The following TRIM69 variants were observed in gnomAD, a reference collection of about 807,000 sequenced individuals.
TRIM69 encodes tripartite motif containing 69, also known as E3 ubiquitin-protein ligase TRIM69.
A neutral mutation model predicts 37.7 loss-of-function variants in TRIM69; 29 were observed. That is an observed-to-expected ratio of 0.77 (90% CI 0.57 to 1.05). TRIM69 has a LOEUF of 1.05. Among genes scored for constraint, TRIM69 ranks in the 50% least tolerant of loss-of-function variants. The probability of loss-of-function intolerance (pLI) is 0.00; values close to 1 mark genes in which losing one functional copy is unlikely to be tolerated. For synonymous variants in TRIM69, 209 were observed against 212.4 expected (o/e 0.98, Z 0.14); for missense variants, 596 against 579.9 (o/e 1.03, Z -0.28).
chr15:44,767,481 C>G lies in TRIM69; in HGVS notation c.1212C>G (p.Ser404Arg). 1 of 1,614,194 alleles carries G rather than the reference C, an allele frequency of 6.2e-7. No individual in the cohort carries two copies. Among genetic ancestry groups the G allele is most frequent in the Non-Finnish European group, 8.5e-7 (1 of 1,180,028 alleles). The change falls in exon 7 of 7, where the codon AGC becomes AGG. Residue 404 changes from serine (S) to arginine (R), a missense_variant. Ser to Arg is a moderately radical substitution (Grantham distance 110). Transcript: ENST00000329464. ...VVRESIIRKG[S>R]CPLTPEQGFW... ...GAGAATCCATCATTCGGAAGGGCAG[C>G]TGTCCTCTAACTCCTGAGCAAGGAT...
intron 1 of TRIM69, among the ~76,000 whole-genome samples, chr15:44,744,584 T>C (rs2087363540): frequency 6.6e-6 from 1 of 152,150 alleles, no homozygotes; most frequent in Non-Finnish European, 1.5e-5. Context: ...ACCAGGGAAA[T>C]ATTTAATAAT....
chr15:44,757,219 A>G (rs1666034248), intron 3 of TRIM69: 1 of 152,210 alleles, frequency 6.6e-6, no homozygotes, highest in South Asian at 2.1e-4. Flanking sequence ...CATTTAACAA[A>G]TATTTATTGA....
intron 1 of TRIM69, among the ~76,000 whole-genome samples, chr15:44,742,727 G>C (rs1485279744): frequency 9.4e-5 from 12 of 127,954 alleles, no homozygotes; most frequent in Non-Finnish European, 1.7e-4. Context: ...GCTTCAAAGA[G>C]AATAAAATAC....
At chr15:44,742,920 C>A (rs1486001896) in intron 1 of TRIM69, among the ~76,000 whole-genome samples, 2 of 151,402 alleles carry the variant, frequency 1.3e-5, no homozygotes, top group Non-Finnish European at 2.9e-5. Flanking sequence ...ATGCCATCCC[C>A]ATCAAGCTAC....
rs1258898652 is a variant in TRIM69 at position 44,767,611 on chromosome 15, G to T, written c.1342G>T (p.Asp448Tyr). 6.2e-7 allele frequency: 1 copy of T among 1,614,166 alleles called. No homozygotes were observed. Residue 448 changes from aspartate to tyrosine, a missense_variant, in exon 7 of 7, where the codon GAT becomes TAT. Physicochemically the swap from Asp to Tyr is radical, Grantham distance 160. Coordinates refer to ENST00000329464, the MANE Select transcript of TRIM69 (RefSeq NM_182985.5). Reference protein sequence around the residue: ...NNLDKVGIYLDYEGGQLSFYN... With the variant: ...NNLDKVGIYLYYEGGQLSFYN... Reference sequence around the variant, plus strand: ...CCTCGACAAGGTGGGCATATACCTGGATTATGAAGGAGGACAGTTGTCCTT... The same window carrying T: ...CCTCGACAAGGTGGGCATATACCTGTATTATGAAGGAGGACAGTTGTCCTT...
intron 1 of TRIM69, among the ~76,000 whole-genome samples, chr15:44,740,558 A>G (rs1440460522): frequency 6.6e-6 from 1 of 152,230 alleles, no homozygotes; most frequent in East Asian, 1.9e-4. Flanking sequence ...AGCTTGCTGT[A>G]TTCAGGAAAC....
intron 6 of TRIM69, among the ~76,000 whole-genome samples, chr15:44,766,047 AC>A (rs1014839498): frequency 3.3e-5 from 5 of 152,270 alleles, no homozygotes; most frequent in African/African-American, 1.2e-4. Context: ...AATTGTCTAA[AC>A]CAATGCTTGT....
chr15:44,747,381 A>T (rs1168325447), intron 1 of TRIM69, among the ~76,000 whole-genome samples: 1 of 152,196 alleles, frequency 6.6e-6, no homozygotes, highest in African/African-American at 2.4e-5. Flanking sequence ...CCATCCTCAT[A>T]CAAGTCTCTT....
chr15:44,767,701 C>T lies in TRIM69; in HGVS notation c.1432C>T (p.Pro478Ser). 6.2e-7 allele frequency: 1 copy of T among 1,614,118 alleles called. No homozygotes were observed. Among genetic ancestry groups the T allele is most frequent in the Non-Finnish European group, 8.5e-7 (1 of 1,180,036 alleles). ...TAACACTTTCATGGAGAAACTTTAT[C>T]CCTACTTCTGCCCCTGCCTTAATGA... is the stretch of plus-strand genomic sequence containing the variant. ...FSNTFMEKLYPYFCPCLNDGG... is the reference protein window; with the variant it reads ...FSNTFMEKLYSYFCPCLNDGG... Residue 478 changes from proline to serine, a missense_variant, in exon 7 of 7, where the codon CCC (proline) becomes TCC (serine). Transcript: ENST00000329464.
At chr15:44,737,662 T>A (rs897811406) in intron 1 of TRIM69, among the ~76,000 whole-genome samples, 7 of 152,174 alleles carry the variant, frequency 4.6e-5, no homozygotes, top group African/African-American at 7.2e-5. Context: ...AAGTTCAGAA[T>A]CTTGCCTTCT....
chr15:44,740,763 T>G (rs558918475), intron 1 of TRIM69, among the ~76,000 whole-genome samples: 1,628 of 151,518 alleles, frequency 0.011, 34 homozygotes, highest in African/African-American at 0.038. Flanking sequence ...CAAGAAGAGC[T>G]AACTATCCTA....
chr15:44,750,715 CTTTTTTTTTTT>C (rs869059418), intron 1 of TRIM69, among the ~76,000 whole-genome samples: 29 of 102,840 alleles, frequency 2.8e-4, no homozygotes, highest in East Asian at 1.2e-3. Flanking sequence ...ATTACTTTTT[CTTTTTTTTTTT>C]TTTTTTTTTT....
chr15:44,738,142 T>G (rs1019653595), intron 1 of TRIM69, among the ~76,000 whole-genome samples: 1 of 147,836 alleles, frequency 6.8e-6, no homozygotes, highest in African/African-American at 2.5e-5. Flanking sequence ...CACTGCAACC[T>G]CCGCTTCCAG....
At chr15:44,749,014 G>A (rs970722977) in intron 1 of TRIM69, among the ~76,000 whole-genome samples, 6 of 151,696 alleles carry the variant, frequency 4.0e-5, no homozygotes, top group South Asian at 2.1e-4. Context: ...CCGAGTAGCC[G>A]GGATTACAGG....
chr15:44,758,520 G>T lies in TRIM69; in HGVS notation c.580-101G>T, dbSNP rs1372055248. On this transcript the variant is annotated intron_variant, in intron 3 of 6. Transcript: ENST00000329464. ...AGTAGCCATTTGTATGCATTTTTCT[G>T]TGATGGTATTTACCAAGTGTGTGAG... The T allele has an allele frequency of 3.3e-6, 5 of 1,493,508 alleles. No individual in the cohort carries two copies. In the East Asian group the frequency reaches 9.3e-5, roughly 28 times the overall value. 92.5% of individuals were successfully genotyped at this position (1,493,508 alleles called of 1,614,324 possible). A position where few individuals can be genotyped will look rare whatever the true frequency, so the allele number is the denominator to read the frequency against.
rs149891557 is a variant in TRIM69 at position 44,748,295 on chromosome 15, C to T, written c.7-6605C>T. On this transcript the variant is annotated intron_variant, in intron 1 of 6. Coordinates refer to ENST00000329464, the MANE Select transcript of TRIM69 (RefSeq NM_182985.5). Reference sequence around the variant, plus strand: ...TGGTCCCATAAATGTAGTGGAGGTCCAGATGTGAGCAGCTCTTGGGCAGAG... The same window carrying T: ...TGGTCCCATAAATGTAGTGGAGGTCTAGATGTGAGCAGCTCTTGGGCAGAG... Among the ~76,000 whole-genome samples the T allele has an allele frequency of 2.2e-3, 335 of 152,266 alleles. 1 individual carries two copies. The highest frequency in any genetic ancestry group is 7.9e-3 in the African/African-American group (328 of 41,548).
At chr15:44,754,784 G>A in intron 1 of TRIM69, 116 bp from the exon 2 acceptor site, 2 of 742,978 alleles carry the variant, frequency 2.7e-6, no homozygotes, top group Non-Finnish European at 4.6e-6. Context: ...GAGAGATTAT[G>A]TGCTTTTACT....
chr15:44,746,522 G>T (rs2087411348), intron 1 of TRIM69, among the ~76,000 whole-genome samples: 1 of 151,978 alleles, frequency 6.6e-6, no homozygotes, highest in African/African-American at 2.4e-5. Flanking sequence ...TATAAAAAAA[G>T]AAATCAATCT....
intron 1 of TRIM69, among the ~76,000 whole-genome samples, chr15:44,744,277 A>T (rs1262814770): frequency 8.1e-6 from 1 of 123,968 alleles, no homozygotes; most frequent in Non-Finnish European, 1.6e-5. Flanking sequence ...GGACACAGGA[A>T]GGGGAACATC....
Sources: gnomAD v4.1 joint callset for allele counts (sites outside exome capture counted in the v4.1 genomes callset) on GRCh38, gnomAD v4.1.1 for gene constraint, MANE v1.5 for transcripts, NCBI Gene and HGNC (gene_info 2026-07-23, HGNC 2026-07-21) for gene names.